DPP6: variants seen among roughly 807,000 people sequenced by gnomAD.
DPP6 encodes dipeptidyl peptidase like 6, also known as A-type potassium channel modulatory protein DPP6.
In DPP6, 69 loss-of-function variants were observed where a neutral mutation model predicts 122.6. That is an observed-to-expected ratio of 0.56 (90% confidence interval 0.46 to 0.69). DPP6 has a LOEUF of 0.69. Among genes scored for constraint, DPP6 ranks in the 30% least tolerant of loss-of-function variants. DPP6 has a pLI of 0.00. For synonymous variants in DPP6, 418 were observed against 433.1 expected, an observed-to-expected ratio of 0.97 and a Z score of 0.43; for missense variants, 928 against 1,116.9, an observed-to-expected ratio of 0.83 and a Z score of 2.41.
chr7:154,471,850 A>G (rs1822305511), intron 2 of DPP6, among the ~76,000 whole-genome samples: 2 of 152,186 alleles, frequency 1.3e-5, no homozygotes, highest in South Asian at 4.1e-4. Flanking sequence ...ATAAAATATG[A>G]GTAGATGATC....
chr7:153,885,992 C>T (rs1798895612), upstream of DPP6, among the ~76,000 whole-genome samples: 1 of 152,018 alleles, frequency 6.6e-6, no homozygotes, highest in Non-Finnish European at 1.5e-5. Context: ...CGAAAGTGAC[C>T]TCTTATTCTT....
At chr7:154,369,580 G>T (rs1274433011) in intron 1 of DPP6, among the ~76,000 whole-genome samples, 1 of 152,046 alleles carries the variant, frequency 6.6e-6, no homozygotes, top group Non-Finnish European at 1.5e-5. Context: ...TGGCCAGGCT[G>T]GTCTCAAACT....
At chr7:154,678,247 C>A (rs1172114258) in intron 7 of DPP6, among the ~76,000 whole-genome samples, 1 of 152,214 alleles carries the variant, frequency 6.6e-6, no homozygotes, top group Non-Finnish European at 1.5e-5. Flanking sequence ...CAGCTGCAAC[C>A]CGCAGCTCGG....
intron 6 of DPP6, among the ~76,000 whole-genome samples, chr7:154,663,891 A>C (rs1837951710): frequency 9.5e-6 from 1 of 105,604 alleles, no homozygotes; most frequent in Non-Finnish European, 2.4e-5. Context: ...GTGTTCATAT[A>C]GTCATGGTGA....
chr7:153,841,641 C>T, the DPP6 span, among the ~76,000 whole-genome samples: 1 of 152,206 alleles, frequency 6.6e-6, no homozygotes, highest in South Asian at 2.1e-4. Context: ...AATCTTTTCA[C>T]ATTTCACTTA....
chr7:154,754,642 C>A (rs1843568927), intron 8 of DPP6, among the ~76,000 whole-genome samples: 1 of 152,134 alleles, frequency 6.6e-6, no homozygotes, highest in African/African-American at 2.4e-5. Context: ...GTGAACATTC[C>A]TTTTGAAATT....
At chr7:153,945,640 C>T (rs1254736957) in intron 1 of DPP6, among the ~76,000 whole-genome samples, 1 of 152,154 alleles carries the variant, frequency 6.6e-6, no homozygotes, top group Non-Finnish European at 1.5e-5. Flanking sequence ...TATCGTAATT[C>T]TCCTCTGAGG....
chr7:154,763,374 GAGAA>G (rs1554459333), intron 8 of DPP6, among the ~76,000 whole-genome samples: 1 of 150,276 alleles, frequency 6.7e-6, no homozygotes, highest in Admixed American at 6.6e-5. Flanking sequence ...GAGAGAGAGA[GAGAA>G]AGAAAGAAAG....
intron 1 of DPP6, among the ~76,000 whole-genome samples, chr7:154,324,653 C>T (rs1300794121): frequency 3.3e-5 from 5 of 152,070 alleles, no homozygotes; most frequent in African/African-American, 7.2e-5. Flanking sequence ...GCACCTTGTT[C>T]GTTTCACCCA....
chr7:154,577,648 GAAGA>G (rs1177412852), intron 5 of DPP6, among the ~76,000 whole-genome samples: 1 of 152,182 alleles, frequency 6.6e-6, no homozygotes, highest in African/African-American at 2.4e-5. Flanking sequence ...AAATGTAAAT[GAAGA>G]GAGAGTGGGT....
chr7:154,129,109 C>A (rs1418151590), intron 1 of DPP6, among the ~76,000 whole-genome samples: 9 of 152,048 alleles, frequency 5.9e-5, no homozygotes, highest in Admixed American at 5.2e-4. Flanking sequence ...TACCCACATG[C>A]CATCTTTAGA....
At position 153,966,601 on chromosome 7, in the gene DPP6, C is replaced by T. The variant is rs2861482; in HGVS notation, c.51+78867C>T. The stretch of plus-strand genomic sequence containing the variant: ...TTTTTTTTTTTTACTGCATATAGCC[C>T]TTTTTTTTTAAAAAATTATACTTTA... On this transcript the variant is annotated intron_variant, in intron 1 of 25. Transcript: ENST00000404039. Among the ~76,000 whole-genome samples, 14 of 3,060 alleles carry T rather than the reference C, an allele frequency of 4.6e-3. No individual in the cohort carries two copies. In the East Asian group the frequency reaches 0.062, roughly 14 times the overall value. The allele number at this position is 3,060 out of a possible 152,430, so 2.0% of individuals were successfully genotyped here.
chr7:154,003,178 G>A (rs1446203518), intron 1 of DPP6, among the ~76,000 whole-genome samples: 1 of 152,204 alleles, frequency 6.6e-6, no homozygotes, highest in Non-Finnish European at 1.5e-5. Context: ...GAACTGCTTT[G>A]CTCAGTTCTA....
At chr7:154,151,742 C>A (rs1047911264) in intron 1 of DPP6, among the ~76,000 whole-genome samples, 5 of 151,936 alleles carry the variant, frequency 3.3e-5, no homozygotes, top group African/African-American at 1.2e-4. Context: ...TCCCGTCTCC[C>A]CTACCCCAGG....
chr7:154,868,887 T>G (rs1584938955), intron 18 of DPP6, among the ~76,000 whole-genome samples: 1 of 152,236 alleles, frequency 6.6e-6, no homozygotes, highest in Non-Finnish European at 1.5e-5. Context: ...CCCACCTCTA[T>G]GCATAGCAGC....
intron 5 of DPP6, among the ~76,000 whole-genome samples, chr7:154,612,264 A>G (rs1833957967): frequency 1.3e-5 from 2 of 152,240 alleles, no homozygotes; most frequent in African/African-American, 4.8e-5. Flanking sequence ...TAGTCAAGAT[A>G]CAGAGCAGTT....
At position 153,896,230 on chromosome 7, in the gene DPP6, C is replaced by G. The variant is rs1240484629; in HGVS notation, c.51+8496C>G. Among the ~76,000 whole-genome samples, 3 of 152,280 alleles carry G rather than the reference C, an allele frequency of 2.0e-5. No individual in the cohort carries two copies. The East Asian group carries it at 5.8e-4, about 29-fold the overall frequency. ...CTATATAAACAACTTTTAGTAAAAC[C>G]TCCACTGACAGAAACTCAACTACAA... On this transcript the variant is annotated intron_variant, in intron 1 of 25. Transcript: ENST00000404039.
At chr7:154,083,764 A>T (rs990656314) in intron 1 of DPP6, among the ~76,000 whole-genome samples, 1 of 151,126 alleles carries the variant, frequency 6.6e-6, no homozygotes, top group African/African-American at 2.5e-5. Context: ...GGTTCCATGC[A>T]GTGCCTCCAG....
intron 1 of DPP6, among the ~76,000 whole-genome samples, chr7:154,413,531 T>C (rs1376995712): frequency 6.6e-6 from 1 of 152,234 alleles, no homozygotes; most frequent in Non-Finnish European, 1.5e-5. Flanking sequence ...TAGGATATTA[T>C]CTGAATCCAT....
Sources: allele counts gnomAD v4.1 joint callset (sites outside exome capture counted in the v4.1 genomes callset), GRCh38; gene constraint gnomAD v4.1.1; transcripts MANE v1.5; gene names NCBI Gene and HGNC (gene_info 2026-07-23, HGNC 2026-07-21).